Variants in SLC4A10 observed in about 807,000 individuals in gnomAD.
SLC4A10 encodes the protein solute carrier family 4 member 10, also known as sodium-driven chloride bicarbonate exchanger.
SLC4A10 carries 42 observed loss-of-function variants against 137.7 expected under a neutral mutation model. That is an observed-to-expected ratio of 0.30 (90% confidence interval 0.24 to 0.39). The LOEUF (loss-of-function observed/expected upper bound fraction) is 0.39. SLC4A10 is among the 10% of genes least tolerant of loss of function. The probability of loss-of-function intolerance (pLI) is 1.00; values close to 1 mark genes in which losing one functional copy is unlikely to be tolerated. For synonymous variants in SLC4A10, 474 were observed against 464.1 expected (o/e 1.02, Z -0.27); for missense variants, 925 against 1,355.0 (o/e 0.68, Z 4.98).
intron 1 of SLC4A10, among the ~76,000 whole-genome samples, chr2:161,675,823 T>C (rs1356983905): frequency 1.3e-5 from 2 of 152,370 alleles, no homozygotes; most frequent in South Asian, 4.1e-4. Flanking sequence ...GCACAGCATA[T>C]GCTGTTTATT....
At chr2:161,796,985 A>G (rs1350520088) in intron 2 of SLC4A10, among the ~76,000 whole-genome samples, 1 of 152,132 alleles carries the variant, frequency 6.6e-6, no homozygotes, top group Non-Finnish European at 1.5e-5. Context: ...TTCAGAATTT[A>G]TAATTTAATT....
At chr2:161,809,788 T>C (rs946653010) in intron 3 of SLC4A10, among the ~76,000 whole-genome samples, 15 of 152,106 alleles carry the variant, frequency 9.9e-5, no homozygotes, top group African/African-American at 3.6e-4. Context: ...AGCCATAGAG[T>C]ACAGTTTGAA....
At chr2:161,935,765 G>T (rs749316883) in intron 15 of SLC4A10, among the ~76,000 whole-genome samples, 4 of 151,942 alleles carry the variant, frequency 2.6e-5, no homozygotes, top group Non-Finnish European at 4.4e-5. Context: ...TTCCAATTTG[G>T]ATGCCTTTTA....
At chr2:161,805,197 TACTC>T (rs2125603576) in intron 3 of SLC4A10, among the ~76,000 whole-genome samples, 1 of 152,182 alleles carries the variant, frequency 6.6e-6, no homozygotes, top group South Asian at 2.1e-4. Context: ...TCATGAGACT[TACTC>T]ACTATCACGA....
chr2:161,872,503 G>T, intron 7 of SLC4A10, 119 bp downstream of exon 7: 1 of 548,598 alleles, frequency 1.8e-6, no homozygotes, highest in Non-Finnish European at 3.1e-6. Context: ...GTCAAAGCTT[G>T]ATATTGTTAC....
intron 16 of SLC4A10, among the ~76,000 whole-genome samples, chr2:161,947,201 G>C (rs761718717): frequency 6.6e-6 from 1 of 151,940 alleles, no homozygotes; most frequent in Non-Finnish European, 1.5e-5. Flanking sequence ...TAAATAGCTG[G>C]GCATAGTGTC....
chr2:161,685,079 G>C (rs1243430435), intron 1 of SLC4A10, among the ~76,000 whole-genome samples: 2 of 152,130 alleles, frequency 1.3e-5, no homozygotes, highest in Non-Finnish European at 2.9e-5. Flanking sequence ...CAGTTGATCT[G>C]TTTACCGCCT....
chr2:161,897,805 T>C (rs2063674428), intron 11 of SLC4A10, among the ~76,000 whole-genome samples: 1 of 152,066 alleles, frequency 6.6e-6, no homozygotes, highest in African/African-American at 2.4e-5. Context: ...GCTTCCTGAG[T>C]ATGTAGAAAC....
At chr2:161,883,179 T>A (rs932035626) in intron 10 of SLC4A10, among the ~76,000 whole-genome samples, 1 of 152,096 alleles carries the variant, frequency 6.6e-6, no homozygotes, top group Non-Finnish European at 1.5e-5. Flanking sequence ...ATGCAGTAGA[T>A]CACAGAAGGG....
chr2:161,765,791 T>C (rs574762198), intron 1 of SLC4A10, among the ~76,000 whole-genome samples: 13 of 152,140 alleles, frequency 8.5e-5, no homozygotes, highest in African/African-American at 3.1e-4. Context: ...AGAGAGTAAC[T>C]CAGTACAAAA....
intron 1 of SLC4A10, among the ~76,000 whole-genome samples, chr2:161,742,896 T>G (rs1031731309): frequency 6.6e-6 from 1 of 152,226 alleles, no homozygotes; most frequent in African/African-American, 2.4e-5. Context: ...TTTACATACC[T>G]GTTTGCCATT....
intron 23 of SLC4A10, 76 bp downstream of exon 23, chr2:161,965,249 G>A (rs1300107171): frequency 1.4e-6 from 2 of 1,447,850 alleles, no homozygotes; most frequent in East Asian, 2.6e-5. Flanking sequence ...CTAAATTATT[G>A]TTTTTATCTT....
chr2:161,909,413 C>T (rs994663811), intron 15 of SLC4A10, among the ~76,000 whole-genome samples: 4 of 152,130 alleles, frequency 2.6e-5, no homozygotes, highest in Non-Finnish European at 5.9e-5. Context: ...TGACTGTGTT[C>T]CATTGCCCAA....
At chr2:161,760,992 A>C (rs1457983594) in intron 1 of SLC4A10, among the ~76,000 whole-genome samples, 1 of 152,078 alleles carries the variant, frequency 6.6e-6, no homozygotes, top group Non-Finnish European at 1.5e-5. Flanking sequence ...AAATCCTGCA[A>C]TATATAAATA....
intron 1 of SLC4A10, among the ~76,000 whole-genome samples, chr2:161,747,268 G>T (rs921222767): frequency 2.0e-5 from 3 of 152,128 alleles, no homozygotes. Flanking sequence ...TCTGGCTAGG[G>T]CTGGTCTAAA....
At chr2:161,844,546 G>C (rs2059378780) in intron 4 of SLC4A10, among the ~76,000 whole-genome samples, 1 of 151,980 alleles carries the variant, frequency 6.6e-6, no homozygotes, top group South Asian at 2.1e-4. Flanking sequence ...TATAATTTTG[G>C]ATGATATAAT....
Position 161,958,428 on chromosome 2 carries a change from G to T in SLC4A10, c.2794-59G>T, listed in dbSNP as rs556765478. 4.5e-5 allele frequency: 66 copies of T among 1,451,898 alleles called. No individual in the cohort carries two copies. In the East Asian group the frequency reaches 1.4e-3, roughly 31 times the overall value. The allele number at this position is 1,451,898 out of a possible 1,614,324, so 89.9% of individuals were successfully genotyped here. On this transcript the variant is annotated intron_variant, in intron 20 of 26. Coordinates refer to ENST00000446997, the MANE Select transcript of SLC4A10 (RefSeq NM_001178015.2). ...TTCCCTGTTTTTTTCTTTGATAAAT[G>T]CAAAACCACAATCTATTTGAAAATG...
rs148162602 is a variant in SLC4A10, at chr2:161,924,978, A to T, written c.1998-17814A>T. On this transcript the variant is annotated intron_variant, in intron 15 of 26. Transcript: ENST00000446997. ...TGTAGTTTTCATGATAGGAGGGCAGAGCTACAGGTGTTTTGGAAGAATACC... is the reference window on the plus strand; with the variant it reads ...TGTAGTTTTCATGATAGGAGGGCAGTGCTACAGGTGTTTTGGAAGAATACC... Among the ~76,000 whole-genome samples, 416 of 152,288 alleles carry T rather than the reference A, an allele frequency of 2.7e-3. 6 individuals are homozygous for T. The highest frequency in any genetic ancestry group is 0.024 in the Admixed American group (373 of 15,286).
chr2:161,822,993 A>G (rs1014650188), intron 3 of SLC4A10, among the ~76,000 whole-genome samples: 9 of 152,110 alleles, frequency 5.9e-5, no homozygotes, highest in African/African-American at 2.2e-4. Context: ...ATGTGTATAT[A>G]TATATACTTT....
Sources: gnomAD v4.1 joint callset for allele counts (sites outside exome capture counted in the v4.1 genomes callset) on GRCh38, gnomAD v4.1.1 for gene constraint, MANE v1.5 for transcripts, NCBI Gene and HGNC (gene_info 2026-07-23, HGNC 2026-07-21) for gene names.